NCOR1: variants seen among roughly 807,000 people sequenced by gnomAD.
NCOR1 encodes the protein nuclear receptor corepressor 1.
In NCOR1, 63 loss-of-function variants were observed where a neutral mutation model predicts 288.1. The observed-to-expected ratio is 0.22, with a 90% CI of 0.18 to 0.27. The LOEUF is 0.27. Ranked by LOEUF, NCOR1 falls within the 10% of genes least tolerant of loss-of-function variation. The pLI is 1.00. For synonymous variants in NCOR1, 1,007 were observed against 1,065.9 expected (o/e 0.94, Z 1.08); for missense variants, 2,397 against 3,019.2 (o/e 0.79, Z 4.83).
chr17:16,091,238 G>C (rs2065127177), intron 22 of NCOR1, among the ~76,000 whole-genome samples: 1 of 152,142 alleles, frequency 6.6e-6, no homozygotes, highest in South Asian at 2.1e-4. Flanking sequence ...ATGTAATAAC[G>C]TGCTACATTA....
At chr17:16,109,612 T>C (rs2069560159) in intron 18 of NCOR1, among the ~76,000 whole-genome samples, 1 of 152,252 alleles carries the variant, frequency 6.6e-6, no homozygotes, top group Non-Finnish European at 1.5e-5. Context: ...GGCATTTTGG[T>C]AATTTTCAAT....
At chr17:16,066,211 G>C (rs552737051) in intron 32 of NCOR1, among the ~76,000 whole-genome samples, 1 of 152,298 alleles carries the variant, frequency 6.6e-6, no homozygotes, top group Admixed American at 6.5e-5. Flanking sequence ...TTTAGGCTTT[G>C]TGGGCCATTT....
chr17:16,109,514 T>C (rs1026385302), intron 18 of NCOR1, among the ~76,000 whole-genome samples: 4 of 152,118 alleles, frequency 2.6e-5, no homozygotes, highest in Non-Finnish European at 4.4e-5. Flanking sequence ...TTCCTAATTA[T>C]TGTTATTAAT....
chr17:16,150,271 A>ATATT (rs1375073476), intron 8 of NCOR1, among the ~76,000 whole-genome samples: 1 of 152,050 alleles, frequency 6.6e-6, no homozygotes, highest in Non-Finnish European at 1.5e-5. Flanking sequence ...CTCCACTCAA[A>ATATT]TAAGTATGGA....
chr17:16,199,972 G>T (rs866558409), intron 1 of NCOR1, among the ~76,000 whole-genome samples: 1 of 152,016 alleles, frequency 6.6e-6, no homozygotes, highest in African/African-American at 2.4e-5. Context: ...AAATGAAATT[G>T]ATCTATTTAA....
At chr17:16,140,907 C>G (rs970504123) in intron 11 of NCOR1, among the ~76,000 whole-genome samples, 2 of 151,372 alleles carry the variant, frequency 1.3e-5, no homozygotes, top group African/African-American at 2.4e-5. Context: ...GGGAGGATCA[C>G]TTGAGCCCGG....
chr17:16,151,415 G>A (rs535986076), intron 8 of NCOR1, among the ~76,000 whole-genome samples: 1 of 152,232 alleles, frequency 6.6e-6, no homozygotes, highest in East Asian at 1.9e-4. Flanking sequence ...ACATTAAATG[G>A]CAGAAGGGTC....
intron 45 of NCOR1, 148 bp from the exon 46 acceptor site, chr17:16,032,631 A>G: frequency 1.4e-6 from 1 of 696,810 alleles, no homozygotes; most frequent in South Asian, 2.1e-5. Flanking sequence ...CGGAATGGCC[A>G]AAGTCTCACC....
chr17:16,072,326 G>A, intron 28 of NCOR1, 98 bp from the exon 29 acceptor site: 1 of 831,480 alleles, frequency 1.2e-6, no homozygotes, highest in South Asian at 2.3e-5. Context: ...TTTGATAAAT[G>A]CTCTATGAAG....
In NCOR1 at chr17:16,075,769, GAA is replaced by G. The variant is rs796180167; in HGVS notation, c.3502-69_3502-68del. 13 of 1,568,252 alleles carry G rather than the reference GAA, an allele frequency of 8.3e-6. No homozygotes were observed. The African/African-American group carries it at 1.6e-4, about 20-fold the overall frequency. On this transcript the variant is annotated intron_variant, in intron 26 of 45. Coordinates refer to ENST00000268712, the MANE Select transcript of NCOR1 (RefSeq NM_006311.4). Reference sequence around the variant, plus strand: ...GTTTAGGGAAAACACAAGATGCTCAGAAAATTTAACCTATGACAGAGTCAGGC... The same window carrying G: ...GTTTAGGGAAAACACAAGATGCTCAGAATTTAACCTATGACAGAGTCAGGC...
At chr17:16,094,612 C>A (rs575031050) in intron 21 of NCOR1, among the ~76,000 whole-genome samples, 2 of 152,102 alleles carry the variant, frequency 1.3e-5, no homozygotes, top group Non-Finnish European at 2.9e-5. Context: ...CCTCTCATGC[C>A]GAGCCAAAGC....
Position 16,143,591 on chromosome 17 carries a change from A to T in NCOR1, c.1173+15T>A. ...ATAATTAACGAATTAACTTGAATTA[A>T]ATTTATTTTCTTACCTCCTGCTCAG... On this transcript the variant is annotated intron_variant, in intron 11 of 45. Coordinates refer to ENST00000268712, the MANE Select transcript of NCOR1 (RefSeq NM_006311.4). The T allele has an allele frequency of 6.3e-7, 1 of 1,595,668 alleles. No individual in the cohort carries two copies. The highest frequency in any genetic ancestry group is 8.6e-7 in the Non-Finnish European group (1 of 1,164,128).
intron 19 of NCOR1, among the ~76,000 whole-genome samples, chr17:16,102,333 A>G (rs896035922): frequency 6.6e-6 from 1 of 152,072 alleles, no homozygotes; most frequent in Non-Finnish European, 1.5e-5. Context: ...CCCAGGCTGG[A>G]GTGCAATGGT....
intron 2 of NCOR1, among the ~76,000 whole-genome samples, chr17:16,189,976 T>C (rs2087761675): frequency 1.3e-5 from 2 of 152,340 alleles, no homozygotes; most frequent in African/African-American, 4.8e-5. Flanking sequence ...TTCATGCCTA[T>C]AATCCCAGCA....
At chr17:16,063,323 G>A (rs2060740983) in intron 35 of NCOR1, among the ~76,000 whole-genome samples, 1 of 151,942 alleles carries the variant, frequency 6.6e-6, no homozygotes, top group Non-Finnish European at 1.5e-5. Context: ...AGGACTACAG[G>A]TGCACACCAC....
chr17:16,101,295 G>A lies in NCOR1; in HGVS notation c.2645C>T (p.Thr882Met), dbSNP rs2152993846. 1.2e-6 allele frequency: 2 copies of A among 1,612,910 alleles called. No homozygotes were observed. The highest frequency in any genetic ancestry group is 1.1e-5 in the South Asian group (1 of 90,810). ...ATCCACATCCTCATCAGCGCTGCAC[G>A]TGGCACTGGAATCATTGTCTGACTG... Reference protein sequence around the residue: ...EPQSDNDSSATCSADEDVDGE... With the variant: ...EPQSDNDSSAMCSADEDVDGE... Residue 882 changes from threonine (T) to methionine (M), a missense_variant, in exon 20 of 46, where the codon ACG becomes ATG. By Grantham distance (81) the Thr-to-Met change is moderately conservative. Transcript: ENST00000268712.
Position 16,137,412 on chromosome 17 carries a change from T to C in NCOR1, c.1408A>G (p.Ser470Gly). 1 of 1,472,920 alleles carries C rather than the reference T, an allele frequency of 6.8e-7. No individual in the cohort carries two copies. Among genetic ancestry groups the C allele is most frequent in the Non-Finnish European group, 9.2e-7 (1 of 1,082,338 alleles). 91.2% of individuals were successfully genotyped at this position (1,472,920 alleles called of 1,614,324 possible). A position where few individuals can be genotyped will look rare whatever the true frequency, so the allele number is the denominator to read the frequency against. ...TAATACAAAACACAATCAGGAACAC[T>C]CTGTAAGAAATAAAACAATTATTTT... ...GLIASYLERK[S>G]VPDCVLYYYL... is the part of the protein sequence containing the mutation. Residue 470 changes from serine to glycine, a missense_variant and splice_region_variant, in exon 14 of 46, where the codon AGT becomes GGT. Physicochemically the swap from Ser to Gly is moderately conservative, Grantham distance 56. This residue lies in a region of NCOR1 where 80 missense variants were observed against 100.3 expected (regional missense o/e 0.80). Coordinates refer to ENST00000268712, the MANE Select transcript of NCOR1 (RefSeq NM_006311.4).
At chr17:16,095,383 G>A (rs1273972103) in intron 21 of NCOR1, among the ~76,000 whole-genome samples, 6 of 150,938 alleles carry the variant, frequency 4.0e-5, no homozygotes, top group Admixed American at 6.6e-5. Context: ...CACCCCGCCC[G>A]GGAGGGAGGT....
chr17:16,053,789 A>C (rs2059586138), intron 40 of NCOR1, among the ~76,000 whole-genome samples: 1 of 152,168 alleles, frequency 6.6e-6, no homozygotes, highest in Non-Finnish European at 1.5e-5. Context: ...CCTGACTTCA[A>C]ACTATAATAC....
Sources: allele counts gnomAD v4.1 joint callset (sites outside exome capture counted in the v4.1 genomes callset), GRCh38; gene constraint gnomAD v4.1.1; regional missense constraint gnomAD v4.1.1; transcripts MANE v1.5; gene names NCBI Gene and HGNC (gene_info 2026-07-23, HGNC 2026-07-21).